ATF6: variants seen among roughly 807,000 people sequenced by gnomAD.
The protein encoded by ATF6 is cyclic AMP-dependent transcription factor ATF-6 alpha.
In ATF6, 53 loss-of-function variants were observed where a neutral mutation model predicts 83.6. That is an observed-to-expected ratio of 0.63 (90% CI 0.51 to 0.80). ATF6 has a LOEUF of 0.80. Among genes scored for constraint, ATF6 ranks in the 30% least tolerant of loss-of-function variants. The pLI is 0.00. For synonymous variants in ATF6, 288 were observed against 285.8 expected (o/e 1.01, Z -0.08); for missense variants, 744 against 797.9 (o/e 0.93, Z 0.81).
intron 14 of ATF6, among the ~76,000 whole-genome samples, chr1:161,888,623 T>C (rs1687481547): frequency 6.6e-6 from 1 of 152,200 alleles, no homozygotes; most frequent in East Asian, 1.9e-4. Context: ...CACCAAGTAC[T>C]GTTAATTTTA....
At chr1:161,812,222 G>A (rs1685482995) in intron 7 of ATF6, among the ~76,000 whole-genome samples, 1 of 151,988 alleles carries the variant, frequency 6.6e-6, no homozygotes, top group Non-Finnish European at 1.5e-5. Flanking sequence ...CAGACAGAGT[G>A]CTCAGAGGAA....
intron 15 of ATF6, among the ~76,000 whole-genome samples, chr1:161,917,097 C>G (rs1688116176): frequency 6.6e-6 from 1 of 152,206 alleles, no homozygotes; most frequent in Non-Finnish European, 1.5e-5. Flanking sequence ...GGAACAGTAC[C>G]TGGTGTAGGA....
At chr1:161,814,786 CAAATT>C (rs1418507549) in intron 7 of ATF6, among the ~76,000 whole-genome samples, 3 of 152,076 alleles carry the variant, frequency 2.0e-5, no homozygotes, top group East Asian at 1.9e-4. Context: ...TAACAAAAAT[CAAATT>C]AAGTTTTTTA....
chr1:161,878,060 CAAGAG>C, intron 14 of ATF6, among the ~76,000 whole-genome samples: 1 of 152,036 alleles, frequency 6.6e-6, no homozygotes. Context: ...ATCTGGGACT[CAAGAG>C]AGGATAGATC....
chr1:161,846,677 G>A, intron 10 of ATF6, 97 bp downstream of exon 10: 3 of 1,263,186 alleles, frequency 2.4e-6, no homozygotes, highest in South Asian at 4.2e-5. Context: ...AATTGTTCGT[G>A]TATATTTTGA....
chr1:161,948,489 A>G (rs1180335324), intron 15 of ATF6, among the ~76,000 whole-genome samples: 1 of 152,224 alleles, frequency 6.6e-6, no homozygotes, highest in Non-Finnish European at 1.5e-5. Flanking sequence ...TGAGAGTAGT[A>G]TCTGCATTAG....
At chr1:161,849,318 C>T (rs921808198) in intron 10 of ATF6, among the ~76,000 whole-genome samples, 1 of 152,188 alleles carries the variant, frequency 6.6e-6, no homozygotes, top group Admixed American at 6.5e-5. Context: ...ACCCTTACAG[C>T]CACAAGAGAG....
intron 15 of ATF6, 144 bp from the exon 16 acceptor site, chr1:161,958,298 TACTG>T (rs1366506368): frequency 1.5e-6 from 1 of 687,622 alleles, no homozygotes; most frequent in Non-Finnish European, 2.3e-6. Context: ...TAGCTCTGCT[TACTG>T]ACTGAGAGTC....
intron 14 of ATF6, among the ~76,000 whole-genome samples, chr1:161,912,094 C>T (rs533446536): frequency 1.3e-5 from 2 of 152,220 alleles, no homozygotes; most frequent in African/African-American, 2.4e-5. Flanking sequence ...TGCCTGACAA[C>T]GGTAGACACT....
intron 14 of ATF6, among the ~76,000 whole-genome samples, chr1:161,869,177 G>T (rs950498204): frequency 1.3e-4 from 20 of 151,904 alleles, no homozygotes; most frequent in African/African-American, 3.6e-4. Flanking sequence ...AAATAGCAAT[G>T]ATATTTTCTA....
intron 12 of ATF6, among the ~76,000 whole-genome samples, chr1:161,859,374 C>T (rs901338694): frequency 6.6e-6 from 1 of 152,150 alleles, no homozygotes; most frequent in Non-Finnish European, 1.5e-5. Context: ...TCTGTCTTCC[C>T]AGTTAAACTG....
In ATF6 at chr1:161,912,430, C is replaced by A. The variant is rs180844618; in HGVS notation, c.1804+50C>A. ...ACAATATGAGATTTCTTTGTTTAAC[C>A]AGGATTCTCTTCATTAGTTCAAAGA... On this transcript the variant is annotated intron_variant, in intron 15 of 15. Coordinates refer to ENST00000367942, the MANE Select transcript of ATF6 (RefSeq NM_007348.4). 2,158 of 1,304,392 alleles carry A rather than the reference C, an allele frequency of 1.7e-3. 11 individuals are homozygous for A. Among genetic ancestry groups the A allele is most frequent in the Admixed American group, 2.2e-3 (116 of 51,882 alleles). 80.8% of individuals were successfully genotyped at this position (1,304,392 alleles called of 1,614,324 possible). A position where few individuals can be genotyped will look rare whatever the true frequency, so the allele number is the denominator to read the frequency against.
At chr1:161,836,604 C>T (rs1225908153) in intron 9 of ATF6, among the ~76,000 whole-genome samples, 1 of 152,190 alleles carries the variant, frequency 6.6e-6, no homozygotes, top group African/African-American at 2.4e-5. Flanking sequence ...AATTGGTTCT[C>T]TTTTCTCTGT....
intron 13 of ATF6, 69 bp from the exon 14 acceptor site, chr1:161,863,129 A>C: frequency 1.2e-6 from 1 of 863,448 alleles, no homozygotes. Flanking sequence ...ATAGCCTTAG[A>C]ATGGGAAGTA....
intron 15 of ATF6, among the ~76,000 whole-genome samples, chr1:161,935,281 A>G (rs1293685094): frequency 2.6e-5 from 4 of 152,138 alleles, no homozygotes. Context: ...CCCAAAATTT[A>G]TATGTTGAAA....
At chr1:161,898,569 A>T (rs1279148598) in intron 14 of ATF6, among the ~76,000 whole-genome samples, 2 of 150,152 alleles carry the variant, frequency 1.3e-5, no homozygotes, top group South Asian at 4.2e-4. Context: ...TTTTTTTGAG[A>T]CAGAGTCTCA....
chr1:161,959,030 A>G lies in ATF6; in HGVS notation c.*376A>G, dbSNP rs1689026476. The G allele has an allele frequency of 6.0e-6, 1 of 166,334 alleles. No homozygotes were observed. Among genetic ancestry groups the G allele is most frequent in the South Asian group, 1.8e-4 (1 of 5,420 alleles). The allele number at this position is 166,334 out of a possible 1,614,324, so 10.3% of individuals were successfully genotyped here. On this transcript the variant is annotated 3_prime_UTR_variant, in exon 16 of 16. Transcript: ENST00000367942. Reference sequence around the variant, plus strand: ...ACCTCTCCTTTTTGCCATTTCACTTATTGATTCATAAAGTGAATTTTATTT... The same window carrying G: ...ACCTCTCCTTTTTGCCATTTCACTTGTTGATTCATAAAGTGAATTTTATTT...
chr1:161,918,908 T>G (rs760224327), intron 15 of ATF6, among the ~76,000 whole-genome samples: 1 of 152,172 alleles, frequency 6.6e-6, no homozygotes, highest in Non-Finnish European at 1.5e-5. Context: ...ATTTTCCAAT[T>G]TAAGCACAGT....
chr1:161,958,684 G>A lies in ATF6; in HGVS notation c.*30G>A, dbSNP rs191852748. On this transcript the variant is annotated 3_prime_UTR_variant, in exon 16 of 16. Coordinates refer to ENST00000367942, the MANE Select transcript of ATF6 (RefSeq NM_007348.4). ...CTGCAGCTATGCTGGAAAACTGAGCGTGGGACCCTGCCAGACTGAAGAGCA... is the reference window on the plus strand; with the variant it reads ...CTGCAGCTATGCTGGAAAACTGAGCATGGGACCCTGCCAGACTGAAGAGCA... 495 of 1,566,732 alleles carry A rather than the reference G, an allele frequency of 3.2e-4. 1 individual carries two copies. The African/African-American group carries it at 5.6e-3, about 18-fold the overall frequency.
Sources: allele counts gnomAD v4.1 joint callset (sites outside exome capture counted in the v4.1 genomes callset), GRCh38; gene constraint gnomAD v4.1.1; transcripts MANE v1.5; gene names NCBI Gene and HGNC (gene_info 2026-07-23, HGNC 2026-07-21).